Variants in RAD9B observed in about 807,000 individuals in gnomAD.
RAD9B encodes cell cycle checkpoint control protein RAD9B.
A neutral mutation model predicts 48.3 loss-of-function variants in RAD9B; 41 were observed. That is an observed-to-expected ratio of 0.85 (90% CI 0.66 to 1.10). RAD9B has a LOEUF of 1.10. Ranked by LOEUF, RAD9B falls within the 50% of genes least tolerant of loss-of-function variation. The pLI is 0.00. For synonymous variants in RAD9B, 160 were observed against 157.9 expected (o/e 1.01, Z -0.10); for missense variants, 444 against 485.1 (o/e 0.92, Z 0.80).
intron 9 of RAD9B, 52 bp from the exon 10 acceptor site, chr12:110,522,125 A>C: frequency 1.7e-6 from 2 of 1,205,956 alleles, no homozygotes; most frequent in South Asian, 2.8e-5. Context: ...GTTATATAAA[A>C]ATATATTTCA....
In RAD9B at chr12:110,503,544, T is replaced by C. The variant is rs569128326; in HGVS notation, c.47-262T>C. The C allele has an allele frequency of 8.8e-4, 352 of 399,058 alleles. 3 individuals are homozygous for C. The highest frequency in any genetic ancestry group is 1.9e-3 in the South Asian group (52 of 27,534). 24.7% of individuals were successfully genotyped at this position (399,058 alleles called of 1,614,324 possible). A position where few individuals can be genotyped will look rare whatever the true frequency, so the allele number is the denominator to read the frequency against. On this transcript the variant is annotated intron_variant, in intron 1 of 10. Coordinates refer to ENST00000409300, the MANE Select transcript of RAD9B (RefSeq NM_001286535.2). ...TATGGAAATTGGTTTGCACAGTAGC[T>C]CCATGCAACACTGTAAACATATAGA...
chr12:110,522,419 C>T lies in RAD9B; in HGVS notation c.1125+8C>T. 6.4e-7 allele frequency: 1 copy of T among 1,569,916 alleles called. No homozygotes were observed. Among genetic ancestry groups the T allele is most frequent in the Non-Finnish European group, 8.7e-7 (1 of 1,149,070 alleles). ...TCTCTGTGTCTCAGAAAGGTAAAAG[C>T]ATTGAGATTCAACCACATCTCAGTC... On this transcript the variant is annotated splice_region_variant and intron_variant, in intron 10 of 10. Coordinates refer to ENST00000409300, the MANE Select transcript of RAD9B (RefSeq NM_001286535.2).
At chr12:110,529,333 C>T (rs764731063) in intron 10 of RAD9B, among the ~76,000 whole-genome samples, 59 of 151,722 alleles carry the variant, frequency 3.9e-4, no homozygotes, top group Non-Finnish European at 7.5e-4. Context: ...TTAGTAGAGA[C>T]GGGGTTTCAC....
At chr12:110,529,720 G>A (rs894451451) in intron 10 of RAD9B, among the ~76,000 whole-genome samples, 1 of 152,172 alleles carries the variant, frequency 6.6e-6, no homozygotes, top group African/African-American at 2.4e-5. Flanking sequence ...CTGCAACCTG[G>A]GCAATAGGGC....
rs1441347929 is a variant in RAD9B, at chr12:110,518,825, G to C, written c.702+43G>C. 7 of 1,573,022 alleles carry C rather than the reference G, an allele frequency of 4.5e-6. No homozygotes were observed. In the East Asian group the frequency reaches 1.1e-4, roughly 25 times the overall value. On this transcript the variant is annotated intron_variant, in intron 7 of 10. Transcript: ENST00000409300. ...TCAATTTAAAATTCAAATTTTCACT[G>C]TAAGTTTTTATAAGGATTTTAAGTT...
In RAD9B at chr12:110,518,611, CT is replaced by C. The variant is rs2063680318; in HGVS notation, c.596-59del. On this transcript the variant is annotated intron_variant, in intron 6 of 10. Transcript: ENST00000409300. ...TGGGATTTGGGAGACCAGAAAAATT[CT>C]TTTTTCCTCTAAATTCATCTCTGGA... 4.9e-6 allele frequency: 6 copies of C among 1,214,304 alleles called. No homozygotes were observed. In the African/African-American group the frequency reaches 6.1e-5, roughly 12 times the overall value. The allele number at this position is 1,214,304 out of a possible 1,614,324, so 75.2% of individuals were successfully genotyped here. A position where few individuals can be genotyped will look rare whatever the true frequency, so the allele number is the denominator to read the frequency against.
At position 110,513,984 on chromosome 12, in the gene RAD9B, TC is replaced by T. The variant is rs1463488498; in HGVS notation, c.489-1063del. Among the ~76,000 whole-genome samples, 8 of 152,208 alleles carry T rather than the reference TC, an allele frequency of 5.3e-5. No homozygotes were observed. In the East Asian group the frequency reaches 1.5e-3, roughly 29 times the overall value. On this transcript the variant is annotated intron_variant, in intron 5 of 10. Transcript: ENST00000409300. ...TTCAAGTGATCCATCTGCCTTAGCCTCCCAAAGTACTGGGATTACAGGCGTG... is the reference window on the plus strand; with the variant it reads ...TTCAAGTGATCCATCTGCCTTAGCCTCCAAAGTACTGGGATTACAGGCGTG...
At chr12:110,505,975 C>T (rs1184955805) in intron 3 of RAD9B, among the ~76,000 whole-genome samples, 4 of 152,030 alleles carry the variant, frequency 2.6e-5, no homozygotes, top group African/African-American at 9.7e-5. Context: ...ACCTCTGCCT[C>T]CCAGTTTCAA....
chr12:110,518,105 G>C (rs1174210943), intron 6 of RAD9B, among the ~76,000 whole-genome samples: 1 of 152,046 alleles, frequency 6.6e-6, no homozygotes, highest in East Asian at 1.9e-4. Flanking sequence ...GCAAGAGAAT[G>C]GCGTGAACCC....
intron 4 of RAD9B, among the ~76,000 whole-genome samples, chr12:110,510,099 A>G (rs962035935): frequency 6.6e-6 from 1 of 152,224 alleles, no homozygotes; most frequent in South Asian, 2.1e-4. Context: ...TCCCCATTTT[A>G]CCCAGGGTAA....
rs202076694 is a variant in RAD9B, at chr12:110,522,263, T to C, written c.977T>C (p.Leu326Pro). ...CISKKAAPRR[L>P]YPKETLTNIS... ...TCAAAAAAAGCAGCACCAAGAAGGC[T>C]TTATCCTAAGGAGACTCTCACAAAC... The change falls in exon 10 of 11, where the codon CTT (leucine) becomes CCT (proline). Residue 326 changes from leucine to proline, a missense_variant. Transcript: ENST00000409300. 2.7e-5 allele frequency: 43 copies of C among 1,612,740 alleles called. No homozygotes were observed. In the East Asian group the frequency reaches 9.6e-4, roughly 36 times the overall value.
Position 110,506,649 on chromosome 12 carries a change from G to T in RAD9B, c.344G>T (p.Arg115Ile), listed in dbSNP as rs1000434100. 8 of 1,604,094 alleles carry T rather than the reference G, an allele frequency of 5.0e-6. No individual in the cohort carries two copies. The African/African-American group carries it at 9.4e-5, about 19-fold the overall frequency. ...ATAGAGAAGTGCAGAATATTCACCA[G>T]ATCTGATAAATGCAAAGTAGTTATT... ...RNIEKCRIFTRSDKCKVVIQF... is the reference protein window; with the variant it reads ...RNIEKCRIFTISDKCKVVIQF... The change falls in exon 4 of 11, where the codon AGA becomes ATA. Residue 115 changes from arginine (R) to isoleucine (I), a missense_variant. Physicochemically the swap from Arg to Ile is moderately conservative, Grantham distance 97 (BLOSUM62 -3). Coordinates refer to ENST00000409300, the MANE Select transcript of RAD9B (RefSeq NM_001286535.2).
At chr12:110,523,410 G>C (rs1015217371) in intron 10 of RAD9B, among the ~76,000 whole-genome samples, 3 of 152,188 alleles carry the variant, frequency 2.0e-5, no homozygotes, top group Non-Finnish European at 4.4e-5. Flanking sequence ...CTGGGCAACA[G>C]AGTGAGACAC....
chr12:110,518,968 T>A (rs1242878450), intron 8 of RAD9B, 30 bp downstream of exon 8: 1 of 1,411,944 alleles, frequency 7.1e-7, no homozygotes, highest in Admixed American at 2.4e-5. Flanking sequence ...TCTGAGCTTG[T>A]TTCTTTTGTT....
rs1422501782 is a variant in RAD9B, at chr12:110,506,592, T to C, written c.287T>C (p.Ile96Thr). The C allele has an allele frequency of 2.5e-6, 4 of 1,570,536 alleles. No individual in the cohort carries two copies. Among genetic ancestry groups the C allele is most frequent in the Non-Finnish European group, 2.6e-6 (3 of 1,141,160 alleles). The change falls in exon 4 of 11, where the codon ATC (isoleucine) becomes ACC (threonine). Residue 96 changes from isoleucine (I) to threonine (T), a missense_variant. Ile to Thr is a moderately conservative substitution (Grantham distance 89). Transcript: ENST00000409300. ...TTTCTGTTACAGTCAATTTTGCCCATCTTTAGATGTCTGAATTCCCTTGAA... is the reference window on the plus strand; with the variant it reads ...TTTCTGTTACAGTCAATTTTGCCCACCTTTAGATGTCTGAATTCCCTTGAA... ...CKLGMKSILPIFRCLNSLERN... is the reference protein window; with the variant it reads ...CKLGMKSILPTFRCLNSLERN...
In RAD9B at chr12:110,530,866, T is replaced by C; in HGVS notation, c.*213T>C. ...ACTTGCTTTAAATCCATTATGCTAC[T>C]TGTGAGGCAGAAGAGTTTTCTGTGA... On this transcript the variant is annotated 3_prime_UTR_variant, in exon 11 of 11. Transcript: ENST00000409300. The C allele has an allele frequency of 1.5e-6, 2 of 1,301,586 alleles. No homozygotes were observed. Among genetic ancestry groups the C allele is most frequent in the Non-Finnish European group, 2.0e-6 (2 of 1,021,824 alleles). 80.6% of individuals were successfully genotyped at this position (1,301,586 alleles called of 1,614,324 possible). A position where few individuals can be genotyped will look rare whatever the true frequency, so the allele number is the denominator to read the frequency against.
chr12:110,506,749 T>C (rs1031263978), intron 4 of RAD9B, 56 bp downstream of exon 4: 11 of 844,574 alleles, frequency 1.3e-5, no homozygotes, highest in Non-Finnish European at 2.2e-5. Context: ...ATAGTTTTCA[T>C]GTTTAGAACA....
chr12:110,523,248 G>T (rs760233910), intron 10 of RAD9B, among the ~76,000 whole-genome samples: 1 of 152,084 alleles, frequency 6.6e-6, no homozygotes, highest in Non-Finnish European at 1.5e-5. Flanking sequence ...CAGCCTAAGT[G>T]ACAGAGTGAG....
chr12:110,528,959 C>T (rs995487767), intron 10 of RAD9B, among the ~76,000 whole-genome samples: 59 of 152,112 alleles, frequency 3.9e-4, no homozygotes, highest in African/African-American at 1.4e-3. Flanking sequence ...AACTCCTGAG[C>T]TCAGGTGATC....
Sources: gnomAD v4.1 joint callset for allele counts (sites outside exome capture counted in the v4.1 genomes callset) on GRCh38, gnomAD v4.1.1 for gene constraint, MANE v1.5 for transcripts, NCBI Gene and HGNC (gene_info 2026-07-23, HGNC 2026-07-21) for gene names.